The following KCTD5 variants were observed in gnomAD, a reference collection of about 807,000 sequenced individuals.
KCTD5 encodes BTB/POZ domain-containing protein KCTD5.
KCTD5 carries 12 observed loss-of-function variants against 27.9 expected under a neutral mutation model. That is an observed-to-expected ratio of 0.43 (90% CI 0.28 to 0.70). The LOEUF (loss-of-function observed/expected upper bound fraction) is 0.70, where lower values mean the gene tolerates loss of function less well. Among genes scored for constraint, KCTD5 ranks in the 30% least tolerant of loss-of-function variants. The pLI is 0.19. For synonymous variants in KCTD5, 147 were observed against 121.4 expected (o/e 1.21, Z -1.39); for missense variants, 226 against 274.8 (o/e 0.82, Z 1.26).
intron 1 of KCTD5, 116 bp downstream of exon 1, chr16:2,682,916 T>G (rs1402610251): frequency 2.3e-6 from 3 of 1,282,666 alleles, no homozygotes; most frequent in African/African-American, 3.1e-5. Flanking sequence ...CTCCTCGGGC[T>G]TCGAGCCCCG....
Position 2,682,541 on chromosome 16 carries a change from C to A in KCTD5, c.-8C>A. On this transcript the variant is annotated 5_prime_UTR_variant, in exon 1 of 6. It adds an upstream start codon to the 5' untranslated region. Coordinates refer to ENST00000301738, the MANE Select transcript of KCTD5 (RefSeq NM_018992.4). ...TGGAAGGGAGCTGTTGCGGGGCTTG[C>A]TGGGATCATGGCGGAGAATCACTGC... The A allele has an allele frequency of 7.1e-7, 1 of 1,398,634 alleles. No homozygotes were observed. Among genetic ancestry groups the A allele is most frequent in the Non-Finnish European group, 9.3e-7 (1 of 1,078,680 alleles). The allele number at this position is 1,398,634 out of a possible 1,614,324, so 86.6% of individuals were successfully genotyped here. A position where few individuals can be genotyped will look rare whatever the true frequency, so the allele number is the denominator to read the frequency against.
chr16:2,691,224 G>A (rs2067565141), intron 1 of KCTD5, among the ~76,000 whole-genome samples: 1 of 152,200 alleles, frequency 6.6e-6, no homozygotes, highest in South Asian at 2.1e-4. Context: ...AGAGAGCAGT[G>A]GTGAGAGCAG....
intron 5 of KCTD5, among the ~76,000 whole-genome samples, chr16:2,704,489 A>G (rs1418755222): frequency 1.3e-5 from 2 of 152,208 alleles, no homozygotes; most frequent in African/African-American, 2.4e-5. Flanking sequence ...CCTGCTTCCC[A>G]CGCCAGTCCC....
chr16:2,692,188 G>A (rs1257805839), intron 1 of KCTD5, among the ~76,000 whole-genome samples: 1 of 152,230 alleles, frequency 6.6e-6, no homozygotes, highest in African/African-American at 2.4e-5. Flanking sequence ...GATGTGCCCA[G>A]CCCTGCTGAT....
At position 2,692,645 on chromosome 16, in the gene KCTD5, C is replaced by A. The variant is rs116519598; in HGVS notation, c.253-3290C>A. The stretch of plus-strand genomic sequence containing the variant: ...CCGGAAAACGCACCACAAGTCCCCA[C>A]TTTGGTCCCCGGGACTGGCAGCCCG... On this transcript the variant is annotated intron_variant, in intron 1 of 5. Transcript: ENST00000301738. 5.4e-3 allele frequency among the ~76,000 whole-genome samples: 829 copies of A among 152,380 alleles called. 14 individuals are homozygous for A. Among genetic ancestry groups the A allele is most frequent in the African/African-American group, 0.019 (782 of 41,588 alleles).
intron 5 of KCTD5, among the ~76,000 whole-genome samples, chr16:2,703,514 G>C (rs563289010): frequency 6.6e-6 from 1 of 152,322 alleles, no homozygotes; most frequent in East Asian, 1.9e-4. Context: ...CAGACTCTTG[G>C]CTGGGGGCCT....
At chr16:2,701,910 C>T (rs1276118065) in intron 4 of KCTD5, among the ~76,000 whole-genome samples, 1 of 152,162 alleles carries the variant, frequency 6.6e-6, no homozygotes, top group Non-Finnish European at 1.5e-5. Flanking sequence ...CTGCAGCAGA[C>T]CCGCCCTGGC....
In KCTD5 at chr16:2,695,540, G is replaced by C. The variant is rs2142055514; in HGVS notation, c.253-395G>C. Among the ~76,000 whole-genome samples the C allele has an allele frequency of 1.7e-5, 2 of 117,656 alleles. 1 individual carries two copies. Among genetic ancestry groups the C allele is most frequent in the Non-Finnish European group, 3.8e-5 (2 of 53,194 alleles). The allele number at this position is 117,656 out of a possible 152,430, so 77.2% of individuals were successfully genotyped here. On this transcript the variant is annotated intron_variant, in intron 1 of 5. Coordinates refer to ENST00000301738, the MANE Select transcript of KCTD5 (RefSeq NM_018992.4). ...GCCCAGGCTGGTGGCCATCAGAGGTGTCCTTCTGAGGCTGAGCCCTAGGCC... is the reference window on the plus strand; with the variant it reads ...GCCCAGGCTGGTGGCCATCAGAGGTCTCCTTCTGAGGCTGAGCCCTAGGCC...
At chr16:2,687,923 T>C (rs1486393998) in intron 1 of KCTD5, among the ~76,000 whole-genome samples, 3 of 152,114 alleles carry the variant, frequency 2.0e-5, no homozygotes, top group African/African-American at 7.2e-5. Context: ...GACTGCAGAA[T>C]GTCTAGAACA....
intron 1 of KCTD5, among the ~76,000 whole-genome samples, chr16:2,688,228 A>AATATATATATATATATAT (rs772886064): frequency 1.2e-5 from 1 of 84,630 alleles, no homozygotes; most frequent in African/African-American, 4.1e-5. Flanking sequence ...TAAATAAATA[A>AATATATATATATATATAT]ATATATATAT....
chr16:2,682,529 T>G lies in KCTD5; in HGVS notation c.-20T>G, dbSNP rs2067521882. ...GGACGCTTCCGGTGGAAGGGAGCTG[T>G]TGCGGGGCTTGCTGGGATCATGGCG... On this transcript the variant is annotated 5_prime_UTR_variant, in exon 1 of 6. Coordinates refer to ENST00000301738, the MANE Select transcript of KCTD5 (RefSeq NM_018992.4). 1.4e-6 allele frequency: 2 copies of G among 1,390,658 alleles called. No homozygotes were observed. Among genetic ancestry groups the G allele is most frequent in the Admixed American group, 3.0e-5 (1 of 33,044 alleles). The allele number at this position is 1,390,658 out of a possible 1,614,324, so 86.1% of individuals were successfully genotyped here.
Position 2,707,340 on chromosome 16 carries a change from T to C in KCTD5, c.*13T>C. The C allele has an allele frequency of 2.5e-6, 4 of 1,613,442 alleles. No homozygotes were observed. The highest frequency in any genetic ancestry group is 1.1e-5 in the South Asian group (1 of 91,086). On this transcript the variant is annotated 3_prime_UTR_variant, in exon 6 of 6. Coordinates refer to ENST00000301738, the MANE Select transcript of KCTD5 (RefSeq NM_018992.4). Reference sequence around the variant, plus strand: ...CTCAAGGATGTGAGGGACACAGTATTGACAGCTGAAGAAATGATTTACGTT... The same window carrying C: ...CTCAAGGATGTGAGGGACACAGTATCGACAGCTGAAGAAATGATTTACGTT...
At chr16:2,692,791 T>A (rs545919081) in intron 1 of KCTD5, among the ~76,000 whole-genome samples, 1 of 152,194 alleles carries the variant, frequency 6.6e-6, no homozygotes, top group Non-Finnish European at 1.5e-5. Context: ...CGGCCCCAAC[T>A]TTGCTCCAAG....
intron 3 of KCTD5, among the ~76,000 whole-genome samples, chr16:2,698,251 T>C (rs990865987): frequency 7.2e-5 from 11 of 152,092 alleles, no homozygotes; most frequent in African/African-American, 9.7e-5. Context: ...TCTGAGGAAG[T>C]TGGGCACGGG....
rs1457950402 is a variant in KCTD5, at chr16:2,707,373, G to A, written c.*46G>A. On this transcript the variant is annotated 3_prime_UTR_variant, in exon 6 of 6. Coordinates refer to ENST00000301738, the MANE Select transcript of KCTD5 (RefSeq NM_018992.4). ...GAAGAAATGATTTACGTTTTCCCGA[G>A]ATGTAATGAACTGCCATGTCCAGGA... The A allele has an allele frequency of 1.9e-6, 3 of 1,589,044 alleles. No individual in the cohort carries two copies. Among genetic ancestry groups the A allele is most frequent in the Non-Finnish European group, 1.7e-6 (2 of 1,157,168 alleles).
rs571044933 is a variant in KCTD5, at chr16:2,696,447, C to T, written c.361+404C>T. On this transcript the variant is annotated intron_variant, in intron 2 of 5. Coordinates refer to ENST00000301738, the MANE Select transcript of KCTD5 (RefSeq NM_018992.4). ...CTGGCCTGCTCTCCCTCAAGGACAG[C>T]CCAAGGGTGGTGAATGTCTCTGTGC... is the stretch of plus-strand genomic sequence containing the variant. 2.0e-5 allele frequency among the ~76,000 whole-genome samples: 3 copies of T among 152,066 alleles called. No individual in the cohort carries two copies. In the East Asian group the frequency reaches 5.9e-4, roughly 30 times the overall value.
rs376822951 is a variant in KCTD5, at chr16:2,707,535, C to T, written c.*208C>T. The T allele has an allele frequency of 2.4e-5, 16 of 675,718 alleles. No individual in the cohort carries two copies. The highest frequency in any genetic ancestry group is 3.7e-4 in the Middle Eastern group (1 of 2,668). The allele number at this position is 675,718 out of a possible 1,614,324, so 41.9% of individuals were successfully genotyped here. On this transcript the variant is annotated 3_prime_UTR_variant, in exon 6 of 6. Transcript: ENST00000301738. ...CAGACGTCCCCAAGTTGGGGGAGCA[C>T]GGCGGCCGGGTGGGCGCTGCCTCTT...
At chr16:2,704,560 A>G (rs1027943320) in intron 5 of KCTD5, among the ~76,000 whole-genome samples, 1 of 152,230 alleles carries the variant, frequency 6.6e-6, no homozygotes, top group Non-Finnish European at 1.5e-5. Flanking sequence ...CAAGGCCGCC[A>G]TTTATTCCCA....
chr16:2,687,627 T>C (rs1447100886), intron 1 of KCTD5, among the ~76,000 whole-genome samples: 5 of 152,238 alleles, frequency 3.3e-5, no homozygotes, highest in African/African-American at 1.2e-4. Context: ...TCGCCAGGGC[T>C]GTGGCCGTGA....
Sources: allele counts gnomAD v4.1 joint callset (sites outside exome capture counted in the v4.1 genomes callset), GRCh38; gene constraint gnomAD v4.1.1; transcripts MANE v1.5; gene names NCBI Gene and HGNC (gene_info 2026-07-23, HGNC 2026-07-21).